The following PCGF2 variants were observed in gnomAD, a reference collection of about 807,000 sequenced individuals.
PCGF2 encodes polycomb group ring finger 2.
In PCGF2, 8 loss-of-function variants were observed where a neutral mutation model predicts 36.1. The observed-to-expected ratio is 0.22, with a 90% CI of 0.13 to 0.40. The LOEUF (loss-of-function observed/expected upper bound fraction) is 0.40, where lower values mean the gene tolerates loss of function less well. PCGF2 is among the 10% of genes least tolerant of loss of function. PCGF2 has a pLI of 1.00. For synonymous variants in PCGF2, 198 were observed against 191.2 expected, an observed-to-expected ratio of 1.04 and a Z score of -0.29; for missense variants, 436 against 475.9, an observed-to-expected ratio of 0.92 and a Z score of 0.78.
intron 9 of PCGF2, among the ~76,000 whole-genome samples, chr17:38,737,576 A>AAACT (rs1906865846): frequency 6.6e-6 from 1 of 152,248 alleles, no homozygotes. Context: ...CCACTGTCCT[A>AAACT]GAGTGTGATC....
Position 38,738,530 on chromosome 17 carries a change from C to G in PCGF2, c.480+11G>C, listed in dbSNP as rs781100729. On this transcript the variant is annotated intron_variant, in intron 8 of 10. Transcript: ENST00000620225. ...CCCACATTCCAGTCCTGGGCAGGCC[C>G]CAGCACTCACTTTCTCTTTGTCCCC... The G allele has an allele frequency of 3.1e-6, 5 of 1,608,160 alleles. No homozygotes were observed. The South Asian group carries it at 5.5e-5, about 18-fold the overall frequency.
chr17:38,739,254 C>A lies in PCGF2; in HGVS notation c.210-1G>T. On this transcript the variant is annotated splice_acceptor_variant, in intron 4 of 10. Transcript: ENST00000620225. LOFTEE classifies it high-confidence loss of function. This position sits in a 1 kb window ranked among gnomAD's most constrained non-coding sequence, Gnocchi z 4.0. Reference sequence around the variant, plus strand: ...AATGTCTTGAAGTGTTTTGTCAGACCTGGGGAAAAATGGACAGGGCTTATC... The same window carrying A: ...AATGTCTTGAAGTGTTTTGTCAGACATGGGGAAAAATGGACAGGGCTTATC... The A allele has an allele frequency of 6.2e-7, 1 of 1,613,826 alleles. No homozygotes were observed. The highest frequency in any genetic ancestry group is 8.5e-7 in the Non-Finnish European group (1 of 1,179,850).
Position 38,735,341 on chromosome 17 carries a change from G to GCCA in PCGF2, c.916_917insTGG (p.Thr305_Ala306insVal). ...GTTGGCAGCTGTGGTGGCCCCACTG[G>GCCA]CTGTCGAAGGGGGAGTGGGGGAGGT... On this transcript the variant is annotated inframe_insertion, in exon 11 of 11. Transcript: ENST00000620225. The GCCA allele has an allele frequency of 6.4e-7, 1 of 1,554,448 alleles. No individual in the cohort carries two copies. Among genetic ancestry groups the GCCA allele is most frequent in the Non-Finnish European group, 8.7e-7 (1 of 1,145,856 alleles).
intron 2 of PCGF2, among the ~76,000 whole-genome samples, chr17:38,747,239 CA>C (rs1209245608): frequency 1.3e-5 from 2 of 152,128 alleles, no homozygotes; most frequent in Non-Finnish European, 1.5e-5. Context: ...TGGAGACAGG[CA>C]GGGGGTGTCT....
rs1307298907 is a variant in PCGF2 at position 38,734,082 on chromosome 17, T to G, written c.*1141A>C. 10 of 151,468 alleles carry G rather than the reference T, an allele frequency of 6.6e-5. No individual in the cohort carries two copies. The highest frequency in any genetic ancestry group is 3.3e-4 in the Admixed American group (5 of 15,172). The allele number at this position is 151,468 out of a possible 1,614,324, so 9.4% of individuals were successfully genotyped here. A position where few individuals can be genotyped will look rare whatever the true frequency, so the allele number is the denominator to read the frequency against. Reference sequence around the variant, plus strand: ...GTCTCGACTCCCGACTCCTCTCAGATCTATGCACACTTGAGGAAATCTCGG... The same window carrying G: ...GTCTCGACTCCCGACTCCTCTCAGAGCTATGCACACTTGAGGAAATCTCGG... On this transcript the variant is annotated 3_prime_UTR_variant, in exon 11 of 11. Coordinates refer to ENST00000620225, the MANE Select transcript of PCGF2 (RefSeq NM_007144.3).
Position 38,738,340 on chromosome 17 carries a change from C to T in PCGF2, c.576+13G>A. 6.2e-7 allele frequency: 1 copy of T among 1,609,372 alleles called. No individual in the cohort carries two copies. The highest frequency in any genetic ancestry group is 8.5e-7 in the Non-Finnish European group (1 of 1,175,806). On this transcript the variant is annotated intron_variant, in intron 9 of 10. Transcript: ENST00000620225. ...ACACAGACACTCATTTTTTGAAAGGCCCAGGGACCCACCTTGTACTTGCTG... is the reference window on the plus strand; with the variant it reads ...ACACAGACACTCATTTTTTGAAAGGTCCAGGGACCCACCTTGTACTTGCTG...
At position 38,739,721 on chromosome 17, in the gene PCGF2, C is replaced by G. The variant is rs369909434; in HGVS notation, c.113-39G>C. On this transcript the variant is annotated intron_variant, in intron 3 of 10. Coordinates refer to ENST00000620225, the MANE Select transcript of PCGF2 (RefSeq NM_007144.3). The surrounding 1 kb of genome is among the most constrained non-coding windows in gnomAD (Gnocchi z 4.0). ...AGAGAGAGAGGAGAGTCAGAGCCAA[C>G]TTCCAACTCCAGGACCAGCCTCCCC... 2.8e-5 allele frequency: 41 copies of G among 1,477,416 alleles called. No homozygotes were observed. In the Admixed American group the frequency reaches 4.0e-4, roughly 14 times the overall value. 91.5% of individuals were successfully genotyped at this position (1,477,416 alleles called of 1,614,324 possible).
In PCGF2 at chr17:38,740,229, G is replaced by A. The variant is rs538182841; in HGVS notation, c.112+62C>T. ...TTGCGTGCTACCTTCCTCAGGCCGT[G>A]CCCGCCCCAATCTGGGCACAGAGGC... On this transcript the variant is annotated intron_variant, in intron 3 of 10. Coordinates refer to ENST00000620225, the MANE Select transcript of PCGF2 (RefSeq NM_007144.3). 4 of 1,454,166 alleles carry A rather than the reference G, an allele frequency of 2.8e-6. No individual in the cohort carries two copies. In the Admixed American group the frequency reaches 6.9e-5, roughly 25 times the overall value. The allele number at this position is 1,454,166 out of a possible 1,614,324, so 90.1% of individuals were successfully genotyped here. A position where few individuals can be genotyped will look rare whatever the true frequency, so the allele number is the denominator to read the frequency against.
chr17:38,744,824 C>G (rs545116474), intron 2 of PCGF2, among the ~76,000 whole-genome samples: 19 of 152,316 alleles, frequency 1.2e-4, no homozygotes, highest in African/African-American at 4.3e-4. Flanking sequence ...ATGAAATCAG[C>G]CCCACTCCCT....
At position 38,735,604 on chromosome 17, in the gene PCGF2, C is replaced by G; in HGVS notation, c.658-4G>C. The G allele has an allele frequency of 6.5e-7, 1 of 1,548,310 alleles. No homozygotes were observed. On this transcript the variant is annotated splice_region_variant and splice_polypyrimidine_tract_variant and intron_variant, in intron 10 of 10. Transcript: ENST00000620225. ...ACTTGAGGGGGAGAGGCCCGTTCTG[C>G]GGGGAGAGTGGGGAGGAGAGACACA...
At chr17:38,736,252 G>A (rs371688775) in intron 9 of PCGF2, 82 bp from the exon 10 acceptor site, 15 of 801,198 alleles carry the variant, frequency 1.9e-5, no homozygotes, top group South Asian at 4.3e-5. Flanking sequence ...GGGAGGCGGG[G>A]CAATGGGAAG....
rs939151007 is a variant in PCGF2, at chr17:38,735,123, T to C, written c.*100A>G. ...TAAAACCCGCCCCCCACCCCCAAGG[T>C]GGGAAGAGCTGGGGAAAGTAGAAGA... On this transcript the variant is annotated 3_prime_UTR_variant, in exon 11 of 11. Transcript: ENST00000620225. 1 of 800,186 alleles carries C rather than the reference T, an allele frequency of 1.2e-6. No individual in the cohort carries two copies. Among genetic ancestry groups the C allele is most frequent in the African/African-American group, 1.8e-5 (1 of 54,432 alleles). The allele number at this position is 800,186 out of a possible 1,614,324, so 49.6% of individuals were successfully genotyped here. A position where few individuals can be genotyped will look rare whatever the true frequency, so the allele number is the denominator to read the frequency against.
chr17:38,735,320 G>A lies in PCGF2; in HGVS notation c.938C>T (p.Ala313Val), dbSNP rs143182107. The A allele has an allele frequency of 5.1e-4, 790 of 1,538,528 alleles. 5 individuals carry two copies. In the African/African-American group the frequency reaches 9.7e-3, roughly 19 times the overall value. The change falls in exon 11 of 11, where the codon GCC becomes GTC. Residue 313 changes from alanine to valine, a missense_variant. This residue lies in a region of PCGF2 where 227 missense variants were observed against 212.9 expected (regional missense o/e 1.07). Coordinates refer to ENST00000620225, the MANE Select transcript of PCGF2 (RefSeq NM_007144.3). ...PSTASGATTAANGGSLNCLQT... is the reference protein window; with the variant it reads ...PSTASGATTAVNGGSLNCLQT... ...CAGGCAGTTCAAGCTACCCCCGTTG[G>A]CAGCTGTGGTGGCCCCACTGGCTGT...
chr17:38,735,347 GA>G lies in PCGF2; in HGVS notation c.910del (p.Ser304ArgfsTer15). 6.4e-7 allele frequency: 1 copy of G among 1,558,104 alleles called. No homozygotes were observed. The highest frequency in any genetic ancestry group is 8.7e-7 in the Non-Finnish European group (1 of 1,148,808). On this transcript the variant is annotated frameshift_variant, in exon 11 of 11. Transcript: ENST00000620225. LOFTEE classifies it high-confidence loss of function. The stretch of plus-strand genomic sequence containing the variant: ...AGCTGTGGTGGCCCCACTGGCTGTC[GA>G]AGGGGGAGTGGGGGAGGTAGGGTGG... ...ATHPTSPTPPSTASGATTAAN... is the reference protein window; with the variant it reads ...ATHPTSPTPPXTASGATTAAN...
Position 38,738,771 on chromosome 17 carries a change from T to G in PCGF2, c.407A>C (p.Glu136Ala). Residue 136 changes from glutamate to alanine, a missense_variant, in exon 7 of 11, where the codon GAA (glutamate) becomes GCA (alanine). Around this residue, in one of 3 missense-constraint regions of PCGF2, gnomAD observed 189 missense variants for 219.3 expected, o/e 0.86. Transcript: ENST00000620225. ...SDDEIVSLSI[E>A]FYEGARDRDE... ...GACTTGCCTGGCACCTTCGTAGAATTCGATGGAGAGGCTGACAATCTCATC... is the reference window on the plus strand; with the variant it reads ...GACTTGCCTGGCACCTTCGTAGAATGCGATGGAGAGGCTGACAATCTCATC... 6.2e-7 allele frequency: 1 copy of G among 1,613,622 alleles called. No individual in the cohort carries two copies. Among genetic ancestry groups the G allele is most frequent in the Non-Finnish European group, 8.5e-7 (1 of 1,179,618 alleles).
In PCGF2 at chr17:38,734,973, T is replaced by G; in HGVS notation, c.*250A>C. The G allele has an allele frequency of 3.0e-6, 1 of 329,030 alleles. No individual in the cohort carries two copies. Among genetic ancestry groups the G allele is most frequent in the Non-Finnish European group, 5.4e-6 (1 of 184,694 alleles). 20.4% of individuals were successfully genotyped at this position (329,030 alleles called of 1,614,324 possible). A position where few individuals can be genotyped will look rare whatever the true frequency, so the allele number is the denominator to read the frequency against. On this transcript the variant is annotated 3_prime_UTR_variant, in exon 11 of 11. Transcript: ENST00000620225. ...CCCCCCCAAAAAAAATGAACACCAT[T>G]TTCCACACATACACACACACATAAA...
At chr17:38,748,879 G>A (rs149063741), upstream of PCGF2, among the ~76,000 whole-genome samples, 824 of 152,322 alleles carry the variant, frequency 5.4e-3, 5 homozygotes, top group African/African-American at 0.018. Context: ...GCATCTGGGA[G>A]GGCGAGCGTG....
chr17:38,744,345 T>TTC (rs927978758), intron 2 of PCGF2, among the ~76,000 whole-genome samples: 1 of 151,848 alleles, frequency 6.6e-6, no homozygotes, highest in Non-Finnish European at 1.5e-5. Context: ...CACCATCTCT[T>TTC]TCTCTCTCTC....
intron 2 of PCGF2, among the ~76,000 whole-genome samples, chr17:38,746,255 AC>A (rs1416902127): frequency 6.7e-6 from 1 of 148,610 alleles, no homozygotes; most frequent in African/African-American, 2.5e-5. Context: ...AGCAAGACAC[AC>A]CCCCCTCCAC....
Sources: allele counts gnomAD v4.1 joint callset (sites outside exome capture counted in the v4.1 genomes callset), GRCh38; gene constraint gnomAD v4.1.1; regional missense constraint gnomAD v4.1.1; non-coding constraint Gnocchi (gnomAD v3.1); transcripts MANE v1.5; gene names NCBI Gene and HGNC (gene_info 2026-07-23, HGNC 2026-07-21).